Variants in ERBB4 observed in about 807,000 individuals in gnomAD.
The protein encoded by ERBB4 is receptor tyrosine-protein kinase erbB-4.
A neutral mutation model predicts 158.0 loss-of-function variants in ERBB4; 42 were observed. That is an observed-to-expected ratio of 0.27 (90% CI 0.21 to 0.34). The LOEUF is 0.34. Ranked by LOEUF, ERBB4 falls within the 10% of genes least tolerant of loss-of-function variation. The pLI is 1.00. For missense variants in ERBB4, 1,333 were observed against 1,624.1 expected, an observed-to-expected ratio of 0.82 and a Z score of 3.08; for synonymous variants, 583 against 558.7, an observed-to-expected ratio of 1.04 and a Z score of -0.61.
intron 1 of ERBB4, among the ~76,000 whole-genome samples, chr2:212,199,717 C>T (rs1159938878): frequency 6.6e-6 from 1 of 152,014 alleles, no homozygotes; most frequent in Non-Finnish European, 1.5e-5. Flanking sequence ...AAAATATTCA[C>T]CAGAATCATT....
At chr2:212,178,741 T>C (rs141416049) in intron 1 of ERBB4, among the ~76,000 whole-genome samples, 61 of 151,788 alleles carry the variant, frequency 4.0e-4, no homozygotes, top group African/African-American at 1.2e-3. Context: ...AGTCAGAGAT[T>C]TGAAGATAAG....
intron 25 of ERBB4, among the ~76,000 whole-genome samples, chr2:211,402,023 T>C (rs2063054057): frequency 6.6e-6 from 1 of 151,778 alleles, no homozygotes; most frequent in Non-Finnish European, 1.5e-5. Context: ...TATGATCCAA[T>C]GAAAGGAAAT....
chr2:211,384,641 A>C (rs952869725), intron 27 of ERBB4, among the ~76,000 whole-genome samples: 2 of 152,112 alleles, frequency 1.3e-5, no homozygotes, highest in African/African-American at 4.8e-5. Flanking sequence ...AAAGGAAAAA[A>C]ATTCAACTAA....
At chr2:212,115,130 A>G (rs1178623798) in intron 2 of ERBB4, among the ~76,000 whole-genome samples, 1 of 152,136 alleles carries the variant, frequency 6.6e-6, no homozygotes, top group Non-Finnish European at 1.5e-5. Context: ...TACCACATTC[A>G]TTATAAATTT....
chr2:212,138,766 C>T (rs2080352496), intron 1 of ERBB4, among the ~76,000 whole-genome samples: 1 of 152,124 alleles, frequency 6.6e-6, no homozygotes, highest in African/African-American at 2.4e-5. Context: ...AAAAATTGCT[C>T]TGACACAGAC....
intron 1 of ERBB4, among the ~76,000 whole-genome samples, chr2:212,419,859 T>C (rs1300143816): frequency 6.6e-6 from 1 of 151,950 alleles, no homozygotes; most frequent in African/African-American, 2.4e-5. Flanking sequence ...CCTTCTTGCA[T>C]TGAAACACTG....
rs139282407 is a variant in ERBB4 at position 212,235,434 on chromosome 2, A to T, written c.83-110531T>A. Among the ~76,000 whole-genome samples the T allele has an allele frequency of 5.7e-3, 859 of 152,014 alleles. 7 individuals carry two copies. Among genetic ancestry groups the T allele is most frequent in the Admixed American group, 0.012 (190 of 15,260 alleles). ...TGATGCCTCCAGGTTTTTGCACAGGATCCTCTTGGCTATCCGGGCTCTTTT... is the reference window on the plus strand; with the variant it reads ...TGATGCCTCCAGGTTTTTGCACAGGTTCCTCTTGGCTATCCGGGCTCTTTT... On this transcript the variant is annotated intron_variant, in intron 1 of 27. Transcript: ENST00000342788.
At chr2:211,762,267 G>C (rs774350333) in intron 4 of ERBB4, among the ~76,000 whole-genome samples, 1 of 152,182 alleles carries the variant, frequency 6.6e-6, no homozygotes, top group African/African-American at 2.4e-5. Flanking sequence ...AATTGGAAGC[G>C]GGGAGGGTGT....
intron 20 of ERBB4, among the ~76,000 whole-genome samples, chr2:211,518,605 G>C (rs898264283): frequency 1.3e-5 from 2 of 151,862 alleles, no homozygotes; most frequent in African/African-American, 4.8e-5. Flanking sequence ...GGTGAGCTGA[G>C]ATCACGCCAC....
chr2:212,527,405 C>T (rs752098623), intron 1 of ERBB4, among the ~76,000 whole-genome samples: 28 of 152,008 alleles, frequency 1.8e-4, no homozygotes, highest in Non-Finnish European at 3.5e-4. Context: ...CAGAGCAATG[C>T]ATTCTTCCTC....
chr2:212,267,892 A>T (rs912557785), intron 1 of ERBB4, among the ~76,000 whole-genome samples: 2 of 151,768 alleles, frequency 1.3e-5, no homozygotes, highest in Non-Finnish European at 2.9e-5. Context: ...ACAGCAATCT[A>T]TTTATCATAT....
At chr2:212,216,085 G>A (rs373868552) in intron 1 of ERBB4, among the ~76,000 whole-genome samples, 33 of 151,354 alleles carry the variant, frequency 2.2e-4, no homozygotes, top group South Asian at 1.2e-3. Flanking sequence ...AAATACTTGC[G>A]TTGTAAGTTT....
At chr2:211,866,503 G>T (rs1489144416) in intron 3 of ERBB4, among the ~76,000 whole-genome samples, 1 of 152,032 alleles carries the variant, frequency 6.6e-6, no homozygotes, top group Non-Finnish European at 1.5e-5. Context: ...GCCTTCAAAT[G>T]AATTGTCAGC....
At position 212,503,269 on chromosome 2, in the gene ERBB4, T is replaced by G. The variant is rs536206881; in HGVS notation, c.82+35180A>C. On this transcript the variant is annotated intron_variant, in intron 1 of 27. Coordinates refer to ENST00000342788, the MANE Select transcript of ERBB4 (RefSeq NM_005235.3). ...TCTTAACTACTACAAGTTATATCATTTTAGAGTTACCAAATCAAAATATGA... is the reference window on the plus strand; with the variant it reads ...TCTTAACTACTACAAGTTATATCATGTTAGAGTTACCAAATCAAAATATGA... Among the ~76,000 whole-genome samples, 271 of 152,338 alleles carry G rather than the reference T, an allele frequency of 1.8e-3. 1 individual carries two copies. Among genetic ancestry groups the G allele is most frequent in the Admixed American group, 4.4e-3 (67 of 15,298 alleles).
At chr2:211,592,726 G>A (rs2068512218) in intron 19 of ERBB4, among the ~76,000 whole-genome samples, 1 of 151,996 alleles carries the variant, frequency 6.6e-6, no homozygotes, top group Non-Finnish European at 1.5e-5. Flanking sequence ...AGTATAAAAG[G>A]GCCAGCTGGG....
intron 20 of ERBB4, among the ~76,000 whole-genome samples, chr2:211,535,068 G>T (rs2125671285): frequency 6.6e-6 from 1 of 152,180 alleles, no homozygotes; most frequent in Admixed American, 6.5e-5. Context: ...CTCCTGAACT[G>T]CTCAGGAGTT....
At chr2:211,511,018 G>A (rs992994047) in intron 20 of ERBB4, among the ~76,000 whole-genome samples, 1 of 151,746 alleles carries the variant, frequency 6.6e-6, no homozygotes. Context: ...AGCACCAAGG[G>A]ATTATGAAAA....
rs149534152 is a variant in ERBB4 at position 211,719,210 on chromosome 2, T to G, written c.883+3183A>C. Among the ~76,000 whole-genome samples the G allele has an allele frequency of 2.4e-3, 364 of 152,338 alleles. 1 individual carries two copies. The highest frequency in any genetic ancestry group is 8.2e-3 in the African/African-American group (339 of 41,576). On this transcript the variant is annotated intron_variant, in intron 7 of 27. Transcript: ENST00000342788. The stretch of plus-strand genomic sequence containing the variant: ...ATGTTAAAAACATTTTCATTGTCAC[T>G]ATTACCACGATTGCTTTGATTCAGA...
intron 16 of ERBB4, among the ~76,000 whole-genome samples, chr2:211,635,092 A>G (rs557093970): frequency 1.7e-4 from 26 of 152,276 alleles, no homozygotes; most frequent in Middle Eastern, 3.4e-3. Context: ...CTTTAACAGG[A>G]GTATTGCAAT....
Sources: gnomAD v4.1 joint callset for allele counts (sites outside exome capture counted in the v4.1 genomes callset) on GRCh38, gnomAD v4.1.1 for gene constraint, MANE v1.5 for transcripts, NCBI Gene and HGNC (gene_info 2026-07-23, HGNC 2026-07-21) for gene names.